Variants in CADM1 observed in about 807,000 individuals in gnomAD.
CADM1 encodes the protein cell adhesion molecule 1, also known as TSLC-1.
A neutral mutation model predicts 53.1 loss-of-function variants in CADM1; 15 were observed. The ratio of observed to expected loss-of-function variants is 0.28; its 90% CI spans 0.19 to 0.44. CADM1 has a LOEUF of 0.44. Ranked by LOEUF, CADM1 falls within the 20% of genes least tolerant of loss-of-function variation. The probability of loss-of-function intolerance (pLI) is 1.00; values close to 1 mark genes in which losing one functional copy is unlikely to be tolerated. For synonymous variants in CADM1, 281 were observed against 243.0 expected (o/e 1.16, Z -1.45); for missense variants, 434 against 611.3 (o/e 0.71, Z 3.06).
At chr11:115,256,340 A>T (rs928434716) in intron 1 of CADM1, among the ~76,000 whole-genome samples, 1 of 152,244 alleles carries the variant, frequency 6.6e-6, no homozygotes, top group African/African-American at 2.4e-5. Context: ...AGAAAGAATC[A>T]GGCTTGGAAT....
intron 1 of CADM1, among the ~76,000 whole-genome samples, chr11:115,268,686 C>A (rs1015104844): frequency 2.0e-5 from 3 of 152,194 alleles, no homozygotes; most frequent in African/African-American, 7.2e-5. Context: ...AACTGTCAAT[C>A]TTCATAATGG....
chr11:115,197,960 T>C (rs1250440714), intron 9 of CADM1, among the ~76,000 whole-genome samples: 1 of 152,246 alleles, frequency 6.6e-6, no homozygotes, highest in Non-Finnish European at 1.5e-5. Flanking sequence ...TTCCCTGGTC[T>C]ACCCTTCCAT....
chr11:115,411,865 C>T (rs1367089712), intron 1 of CADM1, among the ~76,000 whole-genome samples: 4 of 152,088 alleles, frequency 2.6e-5, no homozygotes, highest in African/African-American at 9.7e-5. Context: ...TAAATTAAAA[C>T]ACAGGAAAGG....
In CADM1 at chr11:115,340,653, TATA is replaced by T. The variant is rs1158244321; in HGVS notation, c.125-100236_125-100234del. On this transcript the variant is annotated intron_variant, in intron 1 of 11. Transcript: ENST00000331581. Reference sequence around the variant, plus strand: ...ATATATATATATATATATATATATATATATATTTTTTTTTTTTTTTTTTTTGAG... The same window carrying T: ...ATATATATATATATATATATATATATTATTTTTTTTTTTTTTTTTTTTGAG... Among the ~76,000 whole-genome samples the T allele has an allele frequency of 1.3e-3, 47 of 37,424 alleles. 1 individual carries two copies. The highest frequency in any genetic ancestry group is 1.7e-3 in the Admixed American group (5 of 2,960). The allele number at this position is 37,424 out of a possible 152,430, so 24.6% of individuals were successfully genotyped here.
At chr11:115,454,714 G>A (rs1048608521) in intron 1 of CADM1, among the ~76,000 whole-genome samples, 2 of 152,158 alleles carry the variant, frequency 1.3e-5, no homozygotes, top group Non-Finnish European at 2.9e-5. Flanking sequence ...CATGGGCAAG[G>A]TCCTATCTTC....
intron 1 of CADM1, among the ~76,000 whole-genome samples, chr11:115,301,658 T>C (rs1194760438): frequency 6.6e-6 from 1 of 152,076 alleles, no homozygotes; most frequent in East Asian, 1.9e-4. Context: ...AAAGCTGGAA[T>C]TCTAGGCTTA....
intron 1 of CADM1, among the ~76,000 whole-genome samples, chr11:115,409,406 TTTTTG>T (rs1031149513): frequency 2.7e-4 from 41 of 152,198 alleles, no homozygotes; most frequent in Admixed American, 6.5e-4. Context: ...TTTTTCGTTT[TTTTTG>T]TTTTGTTTTG....
At chr11:115,243,151 A>G (rs922081973) in intron 1 of CADM1, among the ~76,000 whole-genome samples, 4 of 152,230 alleles carry the variant, frequency 2.6e-5, no homozygotes, top group African/African-American at 9.6e-5. Context: ...TACTGAGTGA[A>G]TCATTCAGGT....
chr11:115,374,783 T>C (rs967445870), intron 1 of CADM1, among the ~76,000 whole-genome samples: 8 of 152,138 alleles, frequency 5.3e-5, no homozygotes, highest in African/African-American at 7.2e-5. Flanking sequence ...TGGGCAATTA[T>C]GGGACAAGCA....
At chr11:115,220,108 A>G (rs1205342054) in intron 5 of CADM1, among the ~76,000 whole-genome samples, 3 of 152,160 alleles carry the variant, frequency 2.0e-5, no homozygotes, top group Non-Finnish European at 4.4e-5. Flanking sequence ...GACTTTGGCC[A>G]TTAATTAAGA....
chr11:115,500,372 C>T (rs188523244), intron 1 of CADM1, among the ~76,000 whole-genome samples: 1 of 152,110 alleles, frequency 6.6e-6, no homozygotes, highest in Non-Finnish European at 1.5e-5. Flanking sequence ...TAAAATGTCA[C>T]GTACAGAAAT....
In CADM1 at chr11:115,320,943, GATAA is replaced by G. The variant is rs776399677; in HGVS notation, c.125-80527_125-80524del. On this transcript the variant is annotated intron_variant, in intron 1 of 11. Coordinates refer to ENST00000331581, the MANE Select transcript of CADM1 (RefSeq NM_001301043.2). ...GTCTTCCTTTGTAGCAAAGACATGA[GATAA>G]ATAATTATTCTATCTAAAGCAACCA... Among the ~76,000 whole-genome samples, 8 of 152,122 alleles carry G rather than the reference GATAA, an allele frequency of 5.3e-5. No homozygotes were observed. The East Asian group carries it at 5.8e-4, about 11-fold the overall frequency.
intron 1 of CADM1, among the ~76,000 whole-genome samples, chr11:115,474,879 A>T (rs555261999): frequency 1.3e-5 from 2 of 152,322 alleles, no homozygotes; most frequent in Admixed American, 6.5e-5. Context: ...ATATCTCTAC[A>T]TACTTACTAG....
chr11:115,357,118 A>C (rs1945894185), intron 1 of CADM1, among the ~76,000 whole-genome samples: 1 of 152,148 alleles, frequency 6.6e-6, no homozygotes, highest in African/African-American at 2.4e-5. Flanking sequence ...CAAAATCTCC[A>C]ATATGACAAT....
intron 1 of CADM1, among the ~76,000 whole-genome samples, chr11:115,329,351 G>A (rs1185797861): frequency 6.6e-6 from 1 of 152,072 alleles, no homozygotes; most frequent in Middle Eastern, 3.2e-3. Flanking sequence ...GTTTTAGGTT[G>A]GATCTGTGTC....
chr11:115,178,793 G>GGAATA lies in CADM1; in HGVS notation c.1166-23_1166-19dup. The GGAATA allele has an allele frequency of 6.2e-7, 1 of 1,613,710 alleles. No homozygotes were observed. The highest frequency in any genetic ancestry group is 8.5e-7 in the Non-Finnish European group (1 of 1,179,912). On this transcript the variant is annotated intron_variant, in intron 10 of 11. Transcript: ENST00000331581. ...TCGGGAATCTGTTAAAATCAGAAGA[G>GGAATA]GAATAGGGATGTAGAGCTTATTACA...
intron 1 of CADM1, among the ~76,000 whole-genome samples, chr11:115,392,675 C>T (rs1946865991): frequency 6.6e-6 from 1 of 152,124 alleles, no homozygotes; most frequent in Non-Finnish European, 1.5e-5. Flanking sequence ...CTAACATTCG[C>T]ATTCCCAAAC....
intron 1 of CADM1, among the ~76,000 whole-genome samples, chr11:115,360,757 C>A (rs1474910845): frequency 6.6e-6 from 1 of 152,208 alleles, no homozygotes; most frequent in Non-Finnish European, 1.5e-5. Context: ...AGGCAATTCA[C>A]ACGTTTTCAC....
intron 1 of CADM1, among the ~76,000 whole-genome samples, chr11:115,485,433 C>G (rs969393423): frequency 6.6e-6 from 1 of 152,192 alleles, no homozygotes; most frequent in Non-Finnish European, 1.5e-5. Context: ...TTGCTACCAT[C>G]TTGATATGGT....
Sources: allele counts gnomAD v4.1 joint callset (sites outside exome capture counted in the v4.1 genomes callset), GRCh38; gene constraint gnomAD v4.1.1; transcripts MANE v1.5; gene names NCBI Gene and HGNC (gene_info 2026-07-23, HGNC 2026-07-21).